The following SNAP91 variants were observed in gnomAD, a reference collection of about 807,000 sequenced individuals.
The protein encoded by SNAP91 is synaptosome associated protein 91.
A neutral mutation model predicts 100.3 loss-of-function variants in SNAP91; 27 were observed. The observed-to-expected ratio is 0.27, with a 90% CI of 0.20 to 0.37. The LOEUF is 0.37. SNAP91 is among the 10% of genes least tolerant of loss of function. The pLI is 1.00. For missense variants in SNAP91, 986 were observed against 1,123.7 expected, an observed-to-expected ratio of 0.88 and a Z score of 1.75; for synonymous variants, 404 against 398.6, an observed-to-expected ratio of 1.01 and a Z score of -0.16.
At chr6:83,575,727 C>T (rs1415761395) in intron 25 of SNAP91, 2 of 322,426 alleles carry the variant, frequency 6.2e-6, no homozygotes, top group African/African-American at 4.4e-5. Flanking sequence ...GGTAATGAAT[C>T]TAGAATGTAA....
chr6:83,575,325 T>A (rs371505664), intron 25 of SNAP91: 1 of 545,032 alleles, frequency 1.8e-6, no homozygotes, highest in Non-Finnish European at 3.2e-6. Flanking sequence ...TGAAAAAAAA[T>A]CATTTAGAGT....
Position 83,553,754 on chromosome 6 carries a change from C to G in SNAP91, c.*542G>C, listed in dbSNP as rs1773940848. The G allele has an allele frequency of 6.6e-6, 1 of 152,068 alleles. No homozygotes were observed. Among genetic ancestry groups the G allele is most frequent in the Non-Finnish European group, 1.5e-5 (1 of 68,010 alleles). 9.4% of individuals were successfully genotyped at this position (152,068 alleles called of 1,614,324 possible). ...TACAGTGCCACAAAAATAAACATTTCTCACAACAGTTGAAGTTCCTGTGAT... is the reference window on the plus strand; with the variant it reads ...TACAGTGCCACAAAAATAAACATTTGTCACAACAGTTGAAGTTCCTGTGAT... On this transcript the variant is annotated 3_prime_UTR_variant, in exon 30 of 30. Transcript: ENST00000369694.
Position 83,560,114 on chromosome 6 carries a change from G to A in SNAP91, c.2621C>T (p.Pro874Leu), listed in dbSNP as rs772196589. 21 of 1,613,550 alleles carry A rather than the reference G, an allele frequency of 1.3e-5. No individual in the cohort carries two copies. The South Asian group carries it at 2.3e-4, about 18-fold the overall frequency. The change falls in exon 28 of 30, where the codon CCT becomes CTT. Residue 874 changes from proline to leucine, a missense_variant. This residue lies in a region of SNAP91 where 71 missense variants were observed against 68.5 expected (regional missense o/e 1.04). Coordinates refer to ENST00000369694, the MANE Select transcript of SNAP91 (RefSeq NM_001242792.2). ...MRPPFGAAAV[P>L]GTQLSPSPTP... is the part of the protein sequence containing the mutation. ...ATTGAAGAAACTGACCTGCGTGCCA[G>A]GTACAGCGGCAGCTCCAAAGGGGGG...
intron 2 of SNAP91, among the ~76,000 whole-genome samples, chr6:83,700,387 G>T (rs1176008875): frequency 2.0e-5 from 3 of 151,998 alleles, no homozygotes; most frequent in Non-Finnish European, 4.4e-5. Flanking sequence ...ACTGGTGGTA[G>T]CAGCAATAAT....
At chr6:83,584,989 A>G (rs763565139) in intron 22 of SNAP91, among the ~76,000 whole-genome samples, 81 of 152,184 alleles carry the variant, frequency 5.3e-4, no homozygotes, top group Non-Finnish European at 1.3e-4. Flanking sequence ...AAGTGCCCTC[A>G]CAAGCCTAGA....
intron 2 of SNAP91, among the ~76,000 whole-genome samples, chr6:83,707,260 TCACACACA>T (rs572573261): frequency 6.7e-6 from 1 of 150,262 alleles, no homozygotes; most frequent in African/African-American, 2.4e-5. Context: ...GTAACATACC[TCACACACA>T]CACACACACA....
In SNAP91 at chr6:83,631,447, T is replaced by C. The variant is rs7739513; in HGVS notation, c.766-8105A>G. 7.2e-3 allele frequency among the ~76,000 whole-genome samples: 1,091 copies of C among 152,232 alleles called. 6 individuals are homozygous for C. The highest frequency in any genetic ancestry group is 0.024 in the African/African-American group (1,015 of 41,528). On this transcript the variant is annotated intron_variant, in intron 8 of 29. Coordinates refer to ENST00000369694, the MANE Select transcript of SNAP91 (RefSeq NM_001242792.2). ...TAGTGCTGTCAGTGGAGTATTGAAG[T>C]CCCCCACTATTATTGTGTTGCTATC...
rs1338756615 is a variant in SNAP91 at position 83,601,342 on chromosome 6, G to T, written c.1253C>A (p.Ala418Glu). The T allele has an allele frequency of 6.2e-7, 1 of 1,613,480 alleles. No individual in the cohort carries two copies. The highest frequency in any genetic ancestry group is 1.3e-5 in the African/African-American group (1 of 74,886). The stretch of plus-strand genomic sequence containing the variant: ...AGTGGAGGCAGAAGCTGAGGCAGTT[G>T]CAATTTCAGCAGTTGTAGTAGGAGG... ...PTPPTTTAEIATASASASTTT... is the reference protein window; with the variant it reads ...PTPPTTTAEIETASASASTTT... The change falls in exon 16 of 30, where the codon GCA (alanine) becomes GAA (glutamate). Residue 418 changes from alanine to glutamate, a missense_variant. Around this residue, in one of 4 missense-constraint regions of SNAP91, gnomAD observed 575 missense variants for 579.9 expected, o/e 0.99. Transcript: ENST00000369694.
intron 26 of SNAP91, among the ~76,000 whole-genome samples, chr6:83,564,732 C>A (rs546173313): frequency 2.6e-4 from 40 of 151,812 alleles, no homozygotes; most frequent in Middle Eastern, 3.4e-3. Context: ...TAAATTTGGA[C>A]CCCTATCATA....
rs987443200 is a variant in SNAP91, at chr6:83,616,542, CAAAA to C, written c.878+423_878+426del. ...GTTCAAGTAGGGAGATACTGGAGTC[CAAAA>C]AACTATACTTGAGGGCTTTTCTTTT... is the stretch of plus-strand genomic sequence containing the variant. On this transcript the variant is annotated intron_variant, in intron 10 of 29. Coordinates refer to ENST00000369694, the MANE Select transcript of SNAP91 (RefSeq NM_001242792.2). 3.9e-5 allele frequency among the ~76,000 whole-genome samples: 6 copies of C among 152,032 alleles called. No homozygotes were observed. The East Asian group carries it at 1.2e-3, about 29-fold the overall frequency.
intron 26 of SNAP91, among the ~76,000 whole-genome samples, chr6:83,562,537 T>G (rs765164907): frequency 6.6e-6 from 1 of 152,212 alleles, no homozygotes; most frequent in Non-Finnish European, 1.5e-5. Flanking sequence ...TGATACAATT[T>G]CTAGTTCTCT....
intron 26 of SNAP91, among the ~76,000 whole-genome samples, chr6:83,567,031 T>C (rs774736635): frequency 2.0e-5 from 3 of 152,134 alleles, no homozygotes; most frequent in Non-Finnish European, 4.4e-5. Flanking sequence ...CTCAAACACT[T>C]GGGCTCAAGC....
chr6:83,653,252 C>G (rs900704629), intron 7 of SNAP91, among the ~76,000 whole-genome samples: 1 of 152,010 alleles, frequency 6.6e-6, no homozygotes, highest in Non-Finnish European at 1.5e-5. Context: ...CAGTCTTATT[C>G]TGTTCTGATG....
At chr6:83,669,783 A>T (rs1052569701) in intron 2 of SNAP91, among the ~76,000 whole-genome samples, 1 of 151,974 alleles carries the variant, frequency 6.6e-6, no homozygotes, top group African/African-American at 2.4e-5. Flanking sequence ...TCAGTTAGCT[A>T]ATTACTTTGA....
intron 12 of SNAP91, among the ~76,000 whole-genome samples, chr6:83,609,662 A>C (rs1322846221): frequency 6.6e-6 from 1 of 152,216 alleles, no homozygotes; most frequent in East Asian, 1.9e-4. Flanking sequence ...AGAAGTAAAT[A>C]CTCTTGTCAC....
chr6:83,574,069 G>A (rs1391872841), intron 26 of SNAP91, among the ~76,000 whole-genome samples: 1 of 152,166 alleles, frequency 6.6e-6, no homozygotes, highest in Non-Finnish European at 1.5e-5. Context: ...TTTACTTCTT[G>A]CATGTTTGTT....
intron 26 of SNAP91, among the ~76,000 whole-genome samples, chr6:83,568,422 C>T (rs1800642703): frequency 6.6e-6 from 1 of 151,866 alleles, no homozygotes; most frequent in African/African-American, 2.4e-5. Flanking sequence ...TGCAGCACAC[C>T]AACATGGCAC....
rs759303755 is a variant in SNAP91, at chr6:83,582,359, GA to G, written c.2015-4del. Reference sequence around the variant, plus strand: ...CGCCATGAAAGAACCCCCAAATCCTGAAAAAAAGTTCCAAAAAAACAAGCAG... The same window carrying G: ...CGCCATGAAAGAACCCCCAAATCCTGAAAAAAGTTCCAAAAAAACAAGCAG... On this transcript the variant is annotated splice_region_variant and splice_polypyrimidine_tract_variant and intron_variant, in intron 22 of 29. Transcript: ENST00000369694. 3.7e-6 allele frequency: 6 copies of G among 1,606,968 alleles called. No individual in the cohort carries two copies. Among genetic ancestry groups the G allele is most frequent in the South Asian group, 1.1e-5 (1 of 89,838 alleles).
chr6:83,642,158 T>C (rs569503760), intron 7 of SNAP91, among the ~76,000 whole-genome samples: 951 of 89,336 alleles, frequency 0.011, 9 homozygotes, highest in African/African-American at 0.055. Flanking sequence ...TGGTTTAAAA[T>C]ATGCTATTTT....
Sources: gnomAD v4.1 joint callset for allele counts (sites outside exome capture counted in the v4.1 genomes callset) on GRCh38, gnomAD v4.1.1 for gene constraint, gnomAD v4.1.1 regional missense constraint, MANE v1.5 for transcripts, NCBI Gene and HGNC (gene_info 2026-07-23, HGNC 2026-07-21) for gene names.